The following ZNF512 variants were observed in gnomAD, a reference collection of about 807,000 sequenced individuals.
ZNF512 encodes the protein zinc finger protein 512.
Under a neutral mutation model 77.5 loss-of-function variants are expected in ZNF512, and 25 were observed. The observed-to-expected ratio is 0.32, with a 90% CI of 0.23 to 0.45. The LOEUF (loss-of-function observed/expected upper bound fraction) is 0.45. ZNF512 is among the 20% of genes least tolerant of loss of function. The probability of loss-of-function intolerance (pLI) is 1.00; values close to 1 mark genes in which losing one functional copy is unlikely to be tolerated. For missense variants in ZNF512, 483 were observed against 692.6 expected (o/e 0.70, Z 3.40); for synonymous variants, 246 against 239.9 (o/e 1.03, Z -0.24).
intron 2 of ZNF512, among the ~76,000 whole-genome samples, chr2:27,590,399 AC>A (rs1438998895): frequency 6.6e-6 from 1 of 152,202 alleles, no homozygotes; most frequent in Non-Finnish European, 1.5e-5. Flanking sequence ...ATTGTATGAT[AC>A]AATTTTTTCA....
intron 2 of ZNF512, among the ~76,000 whole-genome samples, chr2:27,588,196 T>C (rs1369458368): frequency 1.3e-5 from 2 of 152,230 alleles, no homozygotes; most frequent in East Asian, 3.9e-4. Flanking sequence ...TTTAAATTTA[T>C]CATTTTTTTC....
At chr2:27,593,425 C>G (rs1451366267) in intron 2 of ZNF512, among the ~76,000 whole-genome samples, 1 of 150,550 alleles carries the variant, frequency 6.6e-6, no homozygotes, top group Non-Finnish European at 1.5e-5. Context: ...TTTGGACCAG[C>G]CTGGGCAACA....
At chr2:27,584,953 A>G (rs897436134) in intron 2 of ZNF512, among the ~76,000 whole-genome samples, 1 of 152,228 alleles carries the variant, frequency 6.6e-6, no homozygotes, top group Non-Finnish European at 1.5e-5. Flanking sequence ...CTCTGGCAGC[A>G]TTATGAAGGA....
intron 2 of ZNF512, among the ~76,000 whole-genome samples, 160 bp downstream of exon 2, chr2:27,583,876 A>T (rs1671222030): frequency 6.6e-6 from 1 of 152,158 alleles, no homozygotes; most frequent in Non-Finnish European, 1.5e-5. Flanking sequence ...AGTGCAACTG[A>T]GGGACTGAAT....
intron 5 of ZNF512, 135 bp from the exon 6 acceptor site, chr2:27,600,556 G>A (rs1044276067): frequency 8.1e-6 from 8 of 984,906 alleles, no homozygotes; most frequent in Non-Finnish European, 1.2e-5. Flanking sequence ...GTTATACCCA[G>A]CAAGAGCCTC....
rs772952384 is a variant in ZNF512, at chr2:27,622,694, G to T, written c.*1233G>T. The T allele has an allele frequency of 6.6e-6, 1 of 152,638 alleles. No homozygotes were observed. Among genetic ancestry groups the T allele is most frequent in the African/African-American group, 2.4e-5 (1 of 41,394 alleles). 9.5% of individuals were successfully genotyped at this position (152,638 alleles called of 1,614,324 possible). ...TTCTGGATTCTCTTCCCCATTTTGC[G>T]TAAATATTGGTCTTATATATTCTTG... is the stretch of plus-strand genomic sequence containing the variant. On this transcript the variant is annotated 3_prime_UTR_variant, in exon 14 of 14. Coordinates refer to ENST00000355467, the MANE Select transcript of ZNF512 (RefSeq NM_032434.4).
intron 10 of ZNF512, among the ~76,000 whole-genome samples, chr2:27,608,632 A>T (rs908142637): frequency 5.9e-5 from 9 of 152,066 alleles, no homozygotes; most frequent in African/African-American, 1.9e-4. Context: ...TAGATCATAG[A>T]AGAAGGGGCC....
intron 2 of ZNF512, among the ~76,000 whole-genome samples, chr2:27,589,648 TAA>T (rs1358893239): frequency 6.6e-6 from 1 of 152,172 alleles, no homozygotes; most frequent in Non-Finnish European, 1.5e-5. Context: ...GATGAAATCT[TAA>T]GTCATTGATT....
At chr2:27,597,935 A>G in intron 2 of ZNF512, 132 bp from the exon 3 acceptor site, 1 of 592,178 alleles carries the variant, frequency 1.7e-6, no homozygotes, top group Non-Finnish European at 2.9e-6. Flanking sequence ...GGTGATTACA[A>G]CTTACATTCT....
chr2:27,614,259 G>C (rs945649336), intron 10 of ZNF512, among the ~76,000 whole-genome samples: 1 of 152,124 alleles, frequency 6.6e-6, no homozygotes, highest in African/African-American at 2.4e-5. Context: ...TGCAAGAACT[G>C]TCTGTGCAGG....
At chr2:27,583,332 T>C in intron 1 of ZNF512, 190 bp downstream of exon 1, 1 of 1,275,482 alleles carries the variant, frequency 7.8e-7, no homozygotes, top group Non-Finnish European at 1.1e-6. Context: ...CCTCCTTGGA[T>C]TTAATTCCTC....
chr2:27,597,570 A>G (rs958274973), intron 2 of ZNF512, among the ~76,000 whole-genome samples: 5 of 152,230 alleles, frequency 3.3e-5, no homozygotes, highest in South Asian at 2.1e-4. Flanking sequence ...GCTAAGTATC[A>G]TGTTGCCTAA....
At chr2:27,599,780 C>G (rs1322055849) in intron 4 of ZNF512, 102 bp downstream of exon 4, 3 of 1,220,014 alleles carry the variant, frequency 2.5e-6, no homozygotes, top group Non-Finnish European at 3.5e-6. Context: ...TCAGTGACCT[C>G]TGAGCCCTTT....
At chr2:27,603,077 A>G (rs1572920325) in intron 8 of ZNF512, 63 bp from the exon 9 acceptor site, 1 of 1,581,784 alleles carries the variant, frequency 6.3e-7, no homozygotes, top group Non-Finnish European at 8.6e-7. Flanking sequence ...ATGGCTGTTT[A>G]GAAATTTAGG....
In ZNF512 at chr2:27,610,709, T is replaced by G. The variant is rs1672620818; in HGVS notation, c.1131+2670T>G. ...GATTCTCATGCCTCAGCCTCCCAAG[T>G]AGCTGGGATTACGGGCACATACAAC... is the stretch of plus-strand genomic sequence containing the variant. On this transcript the variant is annotated intron_variant, in intron 10 of 13. Coordinates refer to ENST00000355467, the MANE Select transcript of ZNF512 (RefSeq NM_032434.4). Among the ~76,000 whole-genome samples the G allele has an allele frequency of 2.0e-5, 3 of 147,716 alleles. No homozygotes were observed. The South Asian group carries it at 6.6e-4, about 33-fold the overall frequency.
chr2:27,583,691 A>G lies in ZNF512; in HGVS notation c.64A>G (p.Ser22Gly), dbSNP rs1408898037. The G allele has an allele frequency of 6.2e-7, 1 of 1,614,068 alleles. No individual in the cohort carries two copies. The highest frequency in any genetic ancestry group is 8.5e-7 in the Non-Finnish European group (1 of 1,180,030). Residue 22 changes from serine (S) to glycine (G), a missense_variant, in exon 2 of 14, where the codon AGC becomes GGC. Physicochemically the swap from Ser to Gly is moderately conservative, Grantham distance 56. This residue lies in a region of ZNF512 where 159 missense variants were observed against 167.5 expected (regional missense o/e 0.95). Transcript: ENST00000355467. The stretch of plus-strand genomic sequence containing the variant: ...ACCCACAACCTTTAAGCAGCAGAGG[A>G]GCACGAGGATCGTGGGAGCTAAGAA... ...SGPTTFKQQR[S>G]TRIVGAKNSR... is the part of the protein sequence containing the mutation.
chr2:27,597,042 T>C (rs1671902219), intron 2 of ZNF512, among the ~76,000 whole-genome samples: 1 of 152,238 alleles, frequency 6.6e-6, no homozygotes, highest in Non-Finnish European at 1.5e-5. Flanking sequence ...GTCGTGTCTC[T>C]ATGTGTAGAA....
chr2:27,611,800 C>G (rs1306838715), intron 10 of ZNF512, among the ~76,000 whole-genome samples: 1 of 151,516 alleles, frequency 6.6e-6, no homozygotes, highest in East Asian at 1.9e-4. Context: ...CGGGTTCAAG[C>G]AATTCTTCTG....
Position 27,600,752 on chromosome 2 carries a change from C to G in ZNF512, c.519C>G (p.Thr173=). The change falls in exon 6 of 14, where the codon ACC becomes ACG. Residue 173 remains threonine, a synonymous_variant. Transcript: ENST00000355467. ...IVDKGSVSCP[T]CQAVGRKTIE... Reference sequence around the variant, plus strand: ...ATAAAGGCAGTGTCTCCTGCCCTACCTGCCAGGCAGTGGGGAGGAAGACCA... The same window carrying G: ...ATAAAGGCAGTGTCTCCTGCCCTACGTGCCAGGCAGTGGGGAGGAAGACCA... 2 of 1,614,018 alleles carry G rather than the reference C, an allele frequency of 1.2e-6. No individual in the cohort carries two copies. Among genetic ancestry groups the G allele is most frequent in the Non-Finnish European group, 1.7e-6 (2 of 1,179,934 alleles).
Sources: gnomAD v4.1 joint callset for allele counts (sites outside exome capture counted in the v4.1 genomes callset) on GRCh38, gnomAD v4.1.1 for gene constraint, gnomAD v4.1.1 regional missense constraint, MANE v1.5 for transcripts, NCBI Gene and HGNC (gene_info 2026-07-23, HGNC 2026-07-21) for gene names.